TSPAN9: variants seen among roughly 807,000 people sequenced by gnomAD.
TSPAN9 encodes the protein tetraspanin-9.
Under a neutral mutation model 31.0 loss-of-function variants are expected in TSPAN9, and 16 were observed. The observed-to-expected ratio is 0.52, with a 90% CI of 0.35 to 0.78. The LOEUF (loss-of-function observed/expected upper bound fraction) is 0.78, where lower values mean the gene tolerates loss of function less well. Ranked by LOEUF, TSPAN9 falls within the 30% of genes least tolerant of loss-of-function variation. TSPAN9 has a pLI of 0.01. For synonymous variants in TSPAN9, 145 were observed against 121.6 expected, an observed-to-expected ratio of 1.19 and a Z score of -1.27; for missense variants, 272 against 312.5, an observed-to-expected ratio of 0.87 and a Z score of 0.98.
At chr12:3,146,835 G>A (rs935776955) in intron 2 of TSPAN9, among the ~76,000 whole-genome samples, 20 of 152,048 alleles carry the variant, frequency 1.3e-4, no homozygotes, top group African/African-American at 4.6e-4. Flanking sequence ...GAATGGTGGT[G>A]GATCCCGTGG....
chr12:3,117,552 A>G (rs2098323005), intron 2 of TSPAN9, among the ~76,000 whole-genome samples: 1 of 152,078 alleles, frequency 6.6e-6, no homozygotes, highest in African/African-American at 2.4e-5. Context: ...AAAGAGGGGC[A>G]GCCTGGAAAC....
At chr12:3,225,102 A>G (rs1261580618) in intron 3 of TSPAN9, among the ~76,000 whole-genome samples, 2 of 152,158 alleles carry the variant, frequency 1.3e-5, no homozygotes, top group Admixed American at 1.3e-4. Context: ...GAGACAAAGA[A>G]TCAATCATCC....
At position 3,197,482 on chromosome 12, in the gene TSPAN9, A is replaced by G. The variant is rs182353061; in HGVS notation, c.-17-3695A>G. ...GTGGCTGTAATACACACTAGGTTTT[A>G]TTCTTGGGCTCCCCATCTGAGTTGG... On this transcript the variant is annotated intron_variant, in intron 2 of 8. Coordinates refer to ENST00000011898, the MANE Select transcript of TSPAN9 (RefSeq NM_006675.5). 4.0e-3 allele frequency among the ~76,000 whole-genome samples: 610 copies of G among 152,260 alleles called. 4 individuals carry two copies. The highest frequency in any genetic ancestry group is 0.01 in the Middle Eastern group (3 of 294).
At chr12:3,086,011 G>T (rs2098300257) in intron 2 of TSPAN9, among the ~76,000 whole-genome samples, 1 of 152,060 alleles carries the variant, frequency 6.6e-6, no homozygotes, top group Admixed American at 6.5e-5. Context: ...CTGTTGATTT[G>T]GTTTAAACTC....
At chr12:3,080,109 T>C (rs1336295803) in intron 1 of TSPAN9, among the ~76,000 whole-genome samples, 3 of 152,064 alleles carry the variant, frequency 2.0e-5, no homozygotes, top group African/African-American at 7.2e-5. Flanking sequence ...ATGTTGAGCC[T>C]TGTCTTCACC....
rs113116442 is a variant in TSPAN9 at position 3,262,174 on chromosome 12, T to C, written c.64-16247T>C. Among the ~76,000 whole-genome samples, 26 of 152,276 alleles carry C rather than the reference T, an allele frequency of 1.7e-4. 4 individuals are homozygous for C. The highest frequency in any genetic ancestry group is 6.3e-4 in the African/African-American group (26 of 41,566). ...TGGATGGCAGTGGCACTGCTCCCTGTTTGTTTGTGGGTGTCTGTTTTGTGG... is the reference window on the plus strand; with the variant it reads ...TGGATGGCAGTGGCACTGCTCCCTGCTTGTTTGTGGGTGTCTGTTTTGTGG... On this transcript the variant is annotated intron_variant, in intron 3 of 8. Transcript: ENST00000011898.
At chr12:3,252,170 G>A (rs1033715092) in intron 3 of TSPAN9, among the ~76,000 whole-genome samples, 2 of 152,172 alleles carry the variant, frequency 1.3e-5, no homozygotes, top group Non-Finnish European at 2.9e-5. Context: ...CAGAGTTGCC[G>A]TGTCCCTCAA....
chr12:3,162,278 G>A (rs1000740556), intron 2 of TSPAN9, among the ~76,000 whole-genome samples: 1 of 152,162 alleles, frequency 6.6e-6, no homozygotes, highest in Non-Finnish European at 1.5e-5. Context: ...CATCAGAATC[G>A]TGAGCCAAAT....
At position 3,286,513 on chromosome 12, in the gene TSPAN9, T is replaced by G. The variant is rs1016050821; in HGVS notation, c.*3397T>G. On this transcript the variant is annotated 3_prime_UTR_variant, in exon 9 of 9. Transcript: ENST00000011898. The surrounding 1 kb of genome is among the most constrained non-coding windows in gnomAD (Gnocchi z 4.1). ...CTGGTCCTGGCTTTATGGAACACCA[T>G]GTTTTTAGCATGTTTTTAAATAAAA... is the stretch of plus-strand genomic sequence containing the variant. The G allele has an allele frequency of 2.0e-5, 3 of 152,474 alleles. No individual in the cohort carries two copies. The highest frequency in any genetic ancestry group is 7.2e-5 in the African/African-American group (3 of 41,428). The allele number at this position is 152,474 out of a possible 1,614,324, so 9.4% of individuals were successfully genotyped here. A position where few individuals can be genotyped will look rare whatever the true frequency, so the allele number is the denominator to read the frequency against.
intron 3 of TSPAN9, among the ~76,000 whole-genome samples, chr12:3,269,315 C>T (rs1466136174): frequency 2.6e-4 from 8 of 30,452 alleles, no homozygotes; most frequent in Admixed American, 6.5e-4. Flanking sequence ...GCCTGCCCTC[C>T]GTGCGTTCCT....
intron 2 of TSPAN9, among the ~76,000 whole-genome samples, chr12:3,178,478 A>G (rs1038742381): frequency 6.6e-6 from 1 of 151,894 alleles, no homozygotes; most frequent in Non-Finnish European, 1.5e-5. Context: ...TTTAGTAGAG[A>G]TGTGTTTTCA....
chr12:3,189,257 G>A (rs760904746), intron 2 of TSPAN9, among the ~76,000 whole-genome samples: 19 of 152,182 alleles, frequency 1.2e-4, no homozygotes, highest in Non-Finnish European at 2.4e-4. Flanking sequence ...GCAGGCACAG[G>A]GGTGGGCTGC....
intron 2 of TSPAN9, among the ~76,000 whole-genome samples, chr12:3,145,970 C>A (rs1021136070): frequency 1.8e-4 from 28 of 152,284 alleles, no homozygotes; most frequent in African/African-American, 6.3e-4. Flanking sequence ...CTTGGCCTTG[C>A]GAGCGAGCCA....
intron 2 of TSPAN9, among the ~76,000 whole-genome samples, chr12:3,176,402 G>T (rs753263132): frequency 3.3e-5 from 5 of 152,224 alleles, no homozygotes; most frequent in Admixed American, 6.5e-5. Context: ...GGAACCACGC[G>T]GCTGTGTGCA....
intron 2 of TSPAN9, among the ~76,000 whole-genome samples, chr12:3,121,352 C>CTTTTT (rs59198394): frequency 9.2e-6 from 1 of 108,290 alleles, no homozygotes; most frequent in Non-Finnish European, 1.9e-5. Context: ...GGGATGTTGG[C>CTTTTT]TTTTTTTTTT....
At chr12:3,179,528 GT>G (rs1460057000) in intron 2 of TSPAN9, among the ~76,000 whole-genome samples, 1 of 152,196 alleles carries the variant, frequency 6.6e-6, no homozygotes, top group Non-Finnish European at 1.5e-5. Context: ...GCAGGAGGTG[GT>G]GTCTACTCTA....
intron 3 of TSPAN9, among the ~76,000 whole-genome samples, chr12:3,219,442 C>T (rs1370664428): frequency 9.2e-5 from 14 of 152,262 alleles, no homozygotes; most frequent in Admixed American, 8.5e-4. Context: ...CCCCCATCTC[C>T]CGGTGTGGGT....
chr12:3,258,594 C>G (rs11062595), intron 3 of TSPAN9, among the ~76,000 whole-genome samples: 33,131 of 151,828 alleles, frequency 0.22, 5,462 homozygotes, highest in East Asian at 0.47. Context: ...ATCTTGTGGA[C>G]ACCATTTCTT....
chr12:3,095,448 C>T (rs1257442272), intron 2 of TSPAN9, among the ~76,000 whole-genome samples: 16 of 139,160 alleles, frequency 1.1e-4, no homozygotes, highest in East Asian at 6.6e-4. Flanking sequence ...TAGGGGCGGC[C>T]GGGCAGAGGC....
Sources: gnomAD v4.1 joint callset for allele counts (sites outside exome capture counted in the v4.1 genomes callset) on GRCh38, gnomAD v4.1.1 for gene constraint, Gnocchi (gnomAD v3.1) non-coding constraint, MANE v1.5 for transcripts, NCBI Gene and HGNC (gene_info 2026-07-23, HGNC 2026-07-21) for gene names.